The following TBCCD1 variants were observed in gnomAD, a reference collection of about 807,000 sequenced individuals.
TBCCD1 encodes TBCC domain-containing protein 1.
In TBCCD1, 26 loss-of-function variants were observed where a neutral mutation model predicts 53.4. The ratio of observed to expected loss-of-function variants is 0.49; its 90% CI spans 0.36 to 0.68. The LOEUF (loss-of-function observed/expected upper bound fraction) is 0.68. TBCCD1 is among the 30% of genes least tolerant of loss of function. TBCCD1 has a pLI of 0.00. For missense variants in TBCCD1, 558 were observed against 669.5 expected, an observed-to-expected ratio of 0.83 and a Z score of 1.84; for synonymous variants, 245 against 241.7, an observed-to-expected ratio of 1.01 and a Z score of -0.13.
In TBCCD1 at chr3:186,554,659, A is replaced by C; in HGVS notation, c.1139T>G (p.Val380Gly). ...LHLHSCDNVK[V>G]IAVCHRLSIS... Reference sequence around the variant, plus strand: ...GGACAAACGATGGCAAACAGCAATGACTTTAACATTGTCACAACTGTGGAG... The same window carrying C: ...GGACAAACGATGGCAAACAGCAATGCCTTTAACATTGTCACAACTGTGGAG... The change falls in exon 6 of 8, where the codon GTC becomes GGC. Residue 380 changes from valine (V) to glycine (G), a missense_variant. Coordinates refer to ENST00000338733, the MANE Select transcript of TBCCD1 (RefSeq NM_018138.5). The C allele has an allele frequency of 6.2e-7, 1 of 1,614,224 alleles. No homozygotes were observed. Among genetic ancestry groups the C allele is most frequent in the Non-Finnish European group, 8.5e-7 (1 of 1,180,038 alleles).
Position 186,556,647 on chromosome 3 carries a change from T to G in TBCCD1, c.621A>C (p.Glu207Asp). Reference protein sequence around the residue: ...HSTHSSLVSREAVVALSFLIE... With the variant: ...HSTHSSLVSRDAVVALSFLIE... ...TAAGGAAGCTGAGCGCCACAACAGC[T>G]TCTCGAGACACTAGACTACTATGGG... Residue 207 changes from glutamate to aspartate, a missense_variant, in exon 4 of 8, where the codon GAA (glutamate) becomes GAC (aspartate). By Grantham distance (45) the Glu-to-Asp change is conservative. Transcript: ENST00000338733. The G allele has an allele frequency of 6.2e-7, 1 of 1,614,174 alleles. No homozygotes were observed. Among genetic ancestry groups the G allele is most frequent in the Non-Finnish European group, 8.5e-7 (1 of 1,180,032 alleles).
chr3:186,554,358 T>C lies in TBCCD1; in HGVS notation c.1440A>G (p.Thr480=). 6.2e-7 allele frequency: 1 copy of C among 1,614,266 alleles called. No individual in the cohort carries two copies. The highest frequency in any genetic ancestry group is 8.5e-7 in the Non-Finnish European group (1 of 1,180,048). Residue 480 remains threonine (T), a synonymous_variant, in exon 6 of 8, where the codon ACA becomes ACG. Coordinates refer to ENST00000338733, the MANE Select transcript of TBCCD1 (RefSeq NM_018138.5). ...IIPFEMEGDT[T]EIPGGLPSVY... ...CAGATGGAAGACCCCCGGGTATCTC[T>C]GTTGTGTCCCCTTCCATTTCAAAGG...
rs996949322 is a variant in TBCCD1, at chr3:186,554,524, A to G, written c.1274T>C (p.Met425Thr). The G allele has an allele frequency of 1.9e-6, 3 of 1,614,132 alleles. No homozygotes were observed. The highest frequency in any genetic ancestry group is 2.5e-6 in the Non-Finnish European group (3 of 1,180,044). Residue 425 changes from methionine to threonine, a missense_variant, in exon 6 of 8, where the codon ATG becomes ACG. Coordinates refer to ENST00000338733, the MANE Select transcript of TBCCD1 (RefSeq NM_018138.5). ...AGTCCTGGCCATATGGTCCTCTAGCATTGGGTAATGTGTATGAAAAGGGGC... is the reference window on the plus strand; with the variant it reads ...AGTCCTGGCCATATGGTCCTCTAGCGTTGGGTAATGTGTATGAAAAGGGGC... ...TFAPFHTHYP[M>T]LEDHMARTGL...
At position 186,556,407 on chromosome 3, in the gene TBCCD1, A is replaced by G; in HGVS notation, c.859+2T>C. 1 of 1,579,132 alleles carries G rather than the reference A, an allele frequency of 6.3e-7. No individual in the cohort carries two copies. The highest frequency in any genetic ancestry group is 1.4e-5 in the African/African-American group (1 of 72,548). ...AATGTAGATTAAAATATTAAAAAAT[A>G]CCTTGATGAGCCCAAGCCAATTTCT... On this transcript the variant is annotated splice_donor_variant, in intron 4 of 7. Transcript: ENST00000338733. LOFTEE classifies it high-confidence loss of function.
intron 3 of TBCCD1, among the ~76,000 whole-genome samples, chr3:186,557,298 C>T (rs1714570663): frequency 6.6e-6 from 1 of 152,162 alleles, no homozygotes; most frequent in African/African-American, 2.4e-5. Context: ...GAAGCCAAGG[C>T]CTAGAGAAGT....
In TBCCD1 at chr3:186,554,486, C is replaced by G. The variant is rs1228629299; in HGVS notation, c.1312G>C (p.Val438Leu). ...ATTGGATTATCCCAATAGTTAGGCA[C>G]TGTAGCAAGGCCAGTCCTGGCCATA... ...DHMARTGLAT[V>L]PNYWDNPMVV... The change falls in exon 6 of 8, where the codon GTG (valine) becomes CTG (leucine). Residue 438 changes from valine (V) to leucine (L), a missense_variant. Val to Leu is a conservative substitution (Grantham distance 32). Coordinates refer to ENST00000338733, the MANE Select transcript of TBCCD1 (RefSeq NM_018138.5). 2 of 1,614,138 alleles carry G rather than the reference C, an allele frequency of 1.2e-6. No homozygotes were observed. The highest frequency in any genetic ancestry group is 1.3e-5 in the African/African-American group (1 of 74,948).
intron 4 of TBCCD1, 83 bp from the exon 5 acceptor site, chr3:186,555,167 GTA>G (rs1375416164): frequency 1.5e-6 from 2 of 1,313,954 alleles, no homozygotes; most frequent in African/African-American, 3.0e-5. Context: ...ACGTCTACAT[GTA>G]TATATGTCTC....
chr3:186,555,935 C>G (rs1714527496), intron 4 of TBCCD1, among the ~76,000 whole-genome samples: 1 of 152,114 alleles, frequency 6.6e-6, no homozygotes, highest in Non-Finnish European at 1.5e-5. Flanking sequence ...CAAACTGACA[C>G]TCAAAAAATA....
chr3:186,554,878 A>G lies in TBCCD1; in HGVS notation c.1046+20T>C. 1 of 1,611,078 alleles carries G rather than the reference A, an allele frequency of 6.2e-7. No individual in the cohort carries two copies. Among genetic ancestry groups the G allele is most frequent in the Non-Finnish European group, 8.5e-7 (1 of 1,178,954 alleles). On this transcript the variant is annotated intron_variant, in intron 5 of 7. Transcript: ENST00000338733. ...AAAGAAAATGTCAGAACATCAGAAC[A>G]CCATGAAAACTGTGCTTACCGTAAG...
chr3:186,570,197 G>A (rs1714975189), upstream of TBCCD1: 4 of 687,262 alleles, frequency 5.8e-6, no homozygotes, highest in Non-Finnish European at 8.0e-6. Context: ...GAGTTGCTTG[G>A]AGAACGTAAA....
Position 186,554,908 on chromosome 3 carries a change from A to T in TBCCD1, c.1036T>A (p.Ser346Thr). ...RCNESFIYLL[S>T]PLRSVTIEKC... ...GAAAACTGTGCTTACCGTAAGGGAGAGAGCAGATATATAAAAGATTCGTTG... is the reference window on the plus strand; with the variant it reads ...GAAAACTGTGCTTACCGTAAGGGAGTGAGCAGATATATAAAAGATTCGTTG... Residue 346 changes from serine to threonine, a missense_variant, in exon 5 of 8, where the codon TCT becomes ACT. By Grantham distance (58) the Ser-to-Thr change is moderately conservative (BLOSUM62 1). Transcript: ENST00000338733. 1 of 1,613,728 alleles carries T rather than the reference A, an allele frequency of 6.2e-7. No homozygotes were observed. The highest frequency in any genetic ancestry group is 8.5e-7 in the Non-Finnish European group (1 of 1,180,002).
chr3:186,556,725 A>C lies in TBCCD1; in HGVS notation c.543T>G (p.Asp181Glu). The C allele has an allele frequency of 6.2e-7, 1 of 1,614,184 alleles. No homozygotes were observed. The highest frequency in any genetic ancestry group is 8.5e-7 in the Non-Finnish European group (1 of 1,180,028). Residue 181 changes from aspartate (D) to glutamate (E), a missense_variant, in exon 4 of 8, where the codon GAT (aspartate) becomes GAG (glutamate). By Grantham distance (45) the Asp-to-Glu change is conservative. Coordinates refer to ENST00000338733, the MANE Select transcript of TBCCD1 (RefSeq NM_018138.5). Reference sequence around the variant, plus strand: ...TTGGATCTAAAAGCAGCTCGAGGAGATCAGACAGATGATCATAGACAAAAG... The same window carrying C: ...TTGGATCTAAAAGCAGCTCGAGGAGCTCAGACAGATGATCATAGACAAAAG... ...HQAFVYDHLS[D>E]LLELLLDPKQ...
At chr3:186,570,484 T>C (rs1200084563), upstream of TBCCD1, 1 of 486,264 alleles carries the variant, frequency 2.1e-6, no homozygotes, top group Non-Finnish European at 3.6e-6. Context: ...TACGTAATTT[T>C]CTACGACTCG....
At chr3:186,547,288 C>T (rs1033426641) in intron 7 of TBCCD1, among the ~76,000 whole-genome samples, 4 of 150,436 alleles carry the variant, frequency 2.7e-5, no homozygotes, top group African/African-American at 4.9e-5. Context: ...GATAGGGTCT[C>T]GCTCTGTTGC....
At chr3:186,570,214 G>C, upstream of TBCCD1, 1 of 668,300 alleles carries the variant, frequency 1.5e-6, no homozygotes, top group Admixed American at 2.1e-5. Context: ...TAAAATAAGA[G>C]GCCTAAGCAA....
Position 186,554,916 on chromosome 3 carries a change from T to C in TBCCD1, c.1028A>G (p.Tyr343Cys), listed in dbSNP as rs1340998166. Residue 343 changes from tyrosine to cysteine, a missense_variant, in exon 5 of 8, where the codon TAT becomes TGT. Tyr to Cys is a radical substitution (Grantham distance 194). Transcript: ENST00000338733. ...KIHRCNESFI[Y>C]LLSPLRSVTI... ...TGCTTACCGTAAGGGAGAGAGCAGA[T>C]ATATAAAAGATTCGTTGCAACGATG... 8 of 1,613,714 alleles carry C rather than the reference T, an allele frequency of 5.0e-6. No homozygotes were observed. The highest frequency in any genetic ancestry group is 6.8e-6 in the Non-Finnish European group (8 of 1,180,012).
At position 186,554,468 on chromosome 3, in the gene TBCCD1, T is replaced by C. The variant is rs1054459400; in HGVS notation, c.1330A>G (p.Asn444Asp). 3.1e-6 allele frequency: 5 copies of C among 1,614,252 alleles called. No individual in the cohort carries two copies. The highest frequency in any genetic ancestry group is 1.6e-4 in the Middle Eastern group (1 of 6,062). ...GLATVPNYWD[N>D]PMVVCRENSD... ...TTCTCTCTGCACACAACCATTGGATTATCCCAATAGTTAGGCACTGTAGCA... is the reference window on the plus strand; with the variant it reads ...TTCTCTCTGCACACAACCATTGGATCATCCCAATAGTTAGGCACTGTAGCA... The change falls in exon 6 of 8, where the codon AAT becomes GAT. Residue 444 changes from asparagine to aspartate, a missense_variant. Asn to Asp is a conservative substitution (Grantham distance 23). Coordinates refer to ENST00000338733, the MANE Select transcript of TBCCD1 (RefSeq NM_018138.5).
intron 7 of TBCCD1, among the ~76,000 whole-genome samples, chr3:186,550,215 G>A (rs1245498126): frequency 7.1e-5 from 10 of 140,804 alleles, no homozygotes; most frequent in South Asian, 6.8e-4. Flanking sequence ...GTGACAGAGG[G>A]AGACTCTGCC....
At chr3:186,550,451 T>C (rs1170448403) in intron 7 of TBCCD1, among the ~76,000 whole-genome samples, 1 of 151,928 alleles carries the variant, frequency 6.6e-6, no homozygotes, top group East Asian at 1.9e-4. Context: ...CCAGCTGTGG[T>C]GGTGCATGCC....
Sources: gnomAD v4.1 joint callset for allele counts (sites outside exome capture counted in the v4.1 genomes callset) on GRCh38, gnomAD v4.1.1 for gene constraint, MANE v1.5 for transcripts, NCBI Gene and HGNC (gene_info 2026-07-23, HGNC 2026-07-21) for gene names.